The following ARHGAP26 variants were observed in gnomAD, a reference collection of about 807,000 sequenced individuals.
ARHGAP26 encodes the protein rho GTPase-activating protein 26.
A neutral mutation model predicts 104.8 loss-of-function variants in ARHGAP26; 38 were observed. The ratio of observed to expected loss-of-function variants is 0.36; its 90% CI spans 0.28 to 0.48. The LOEUF (loss-of-function observed/expected upper bound fraction) is 0.48. Ranked by LOEUF, ARHGAP26 falls within the 20% of genes least tolerant of loss-of-function variation. ARHGAP26 has a pLI of 0.99. For missense variants in ARHGAP26, 704 were observed against 947.9 expected (o/e 0.74, Z 3.38); for synonymous variants, 341 against 340.0 (o/e 1.00, Z -0.03).
intron 11 of ARHGAP26, among the ~76,000 whole-genome samples, chr5:143,001,919 C>T (rs1259384370): frequency 2.0e-5 from 3 of 152,228 alleles, no homozygotes; most frequent in South Asian, 2.1e-4. Context: ...AACTCAGCTT[C>T]GAGTCATAGA....
At chr5:142,925,218 G>T (rs567938287) in intron 10 of ARHGAP26, among the ~76,000 whole-genome samples, 2 of 152,228 alleles carry the variant, frequency 1.3e-5, no homozygotes, top group East Asian at 3.9e-4. Flanking sequence ...ATGCCCTGTT[G>T]CCCACCTCCC....
In ARHGAP26 at chr5:142,963,163, G is replaced by GATATATATATATATAT. The variant is rs1562163912; in HGVS notation, c.1107+31038_1107+31039insATATATATATATATAT. On this transcript the variant is annotated intron_variant, in intron 11 of 22. Coordinates refer to ENST00000645722, the MANE Select transcript of ARHGAP26 (RefSeq NM_001135608.3). ...TTTTTATGGCTGTGTAGTATTCCAT[G>GATATATATATATATAT]GTATATATGTATATATATATATATA... Among the ~76,000 whole-genome samples the GATATATATATATATAT allele has an allele frequency of 1.6e-3, 180 of 112,176 alleles. 7 individuals carry two copies. Among genetic ancestry groups the GATATATATATATATAT allele is most frequent in the African/African-American group, 6.2e-3 (143 of 23,010 alleles). The allele number at this position is 112,176 out of a possible 152,430, so 73.6% of individuals were successfully genotyped here.
Position 143,227,635 on chromosome 5 carries a change from A to T in ARHGAP26, c.*5189A>T, listed in dbSNP as rs528586428. On this transcript the variant is annotated 3_prime_UTR_variant, in exon 23 of 23. Transcript: ENST00000645722. ...TCCTGCCGCCTACAGTACCTGTCTA[A>T]CTAAAGAGCTTCCCAAAGTGGAGGG... is the stretch of plus-strand genomic sequence containing the variant. The T allele has an allele frequency of 1.7e-5, 4 of 229,564 alleles. No individual in the cohort carries two copies. The highest frequency in any genetic ancestry group is 6.6e-5 in the African/African-American group (3 of 45,290). The allele number at this position is 229,564 out of a possible 1,614,324, so 14.2% of individuals were successfully genotyped here.
intron 14 of ARHGAP26, among the ~76,000 whole-genome samples, chr5:143,050,094 C>T (rs1784789505): frequency 6.6e-6 from 1 of 152,180 alleles, no homozygotes; most frequent in Admixed American, 6.5e-5. Flanking sequence ...CCCTGGGTGG[C>T]TTGGGCTATG....
chr5:142,924,097 C>T (rs1304226974), intron 10 of ARHGAP26, among the ~76,000 whole-genome samples: 4 of 152,002 alleles, frequency 2.6e-5, no homozygotes, highest in Non-Finnish European at 1.5e-5. Flanking sequence ...CTCCTGACCT[C>T]GCGATCCACC....
rs370393590 is a variant in ARHGAP26 at position 143,099,311 on chromosome 5, T to TC, written c.1539-21677_1539-21676insC. 6.9e-3 allele frequency among the ~76,000 whole-genome samples: 1,043 copies of TC among 152,052 alleles called. 18 individuals are homozygous for TC. The East Asian group carries it at 0.078, about 11-fold the overall frequency. On this transcript the variant is annotated intron_variant, in intron 17 of 22. Transcript: ENST00000645722. ...TGACAACATAGCTGCCCTGGGCAGG[T>TC]GGGGGGCACAGGTAGAGGAATATAG... is the stretch of plus-strand genomic sequence containing the variant.
intron 12 of ARHGAP26, among the ~76,000 whole-genome samples, chr5:143,017,296 G>T (rs1779724095): frequency 6.6e-6 from 1 of 152,240 alleles, no homozygotes. Flanking sequence ...TGGAGTATAA[G>T]ACAGGGCCAT....
chr5:143,024,403 T>C (rs980823527), intron 12 of ARHGAP26, among the ~76,000 whole-genome samples: 2 of 152,202 alleles, frequency 1.3e-5, no homozygotes, highest in Admixed American at 6.5e-5. Context: ...CTCAGTGATG[T>C]GGGCTCTGTA....
intron 11 of ARHGAP26, among the ~76,000 whole-genome samples, chr5:142,984,455 A>G (rs1227636104): frequency 6.6e-6 from 1 of 152,252 alleles, no homozygotes; most frequent in Non-Finnish European, 1.5e-5. Flanking sequence ...TGATGAAAGA[A>G]GAAATAATAT....
At chr5:142,826,897 C>G (rs1196184549) in intron 1 of ARHGAP26, among the ~76,000 whole-genome samples, 2 of 152,178 alleles carry the variant, frequency 1.3e-5, no homozygotes, top group Non-Finnish European at 2.9e-5. Flanking sequence ...GAAGCTTGAG[C>G]AAAAGCCAAC....
intron 14 of ARHGAP26, among the ~76,000 whole-genome samples, chr5:143,051,515 A>T (rs1785024984): frequency 6.6e-6 from 1 of 152,242 alleles, no homozygotes; most frequent in East Asian, 1.9e-4. Context: ...TCTGTGGCAT[A>T]TTCAGATGCC....
intron 1 of ARHGAP26, among the ~76,000 whole-genome samples, chr5:142,845,976 C>G (rs1771860284): frequency 1.3e-5 from 2 of 152,116 alleles, no homozygotes; most frequent in Non-Finnish European, 2.9e-5. Context: ...TTTTTTTCCC[C>G]TGTGAGACCA....
At chr5:142,927,330 C>T (rs201081628) in intron 10 of ARHGAP26, among the ~76,000 whole-genome samples, 6 of 134,562 alleles carry the variant, frequency 4.5e-5, no homozygotes, top group South Asian at 2.3e-4. Context: ...TATCTCTTTT[C>T]AAAAAAAAAA....
chr5:143,107,441 C>A (rs1312142659), intron 17 of ARHGAP26, among the ~76,000 whole-genome samples: 1 of 152,116 alleles, frequency 6.6e-6, no homozygotes, highest in East Asian at 1.9e-4. Flanking sequence ...CCTTGAAGTG[C>A]CACTGTAGCC....
intron 11 of ARHGAP26, among the ~76,000 whole-genome samples, chr5:142,977,304 AT>A (rs1773241563): frequency 6.6e-6 from 1 of 152,112 alleles, no homozygotes; most frequent in Non-Finnish European, 1.5e-5. Flanking sequence ...CTTCCTTGAG[AT>A]TATGGTTCCT....
intron 11 of ARHGAP26, among the ~76,000 whole-genome samples, chr5:143,002,030 T>C (rs1777255618): frequency 6.6e-6 from 1 of 152,158 alleles, no homozygotes; most frequent in Non-Finnish European, 1.5e-5. Flanking sequence ...ACCTTCTGCC[T>C]CTCCAAGGGG....
intron 17 of ARHGAP26, among the ~76,000 whole-genome samples, chr5:143,094,787 T>TG (rs1289128056): frequency 6.6e-6 from 1 of 151,696 alleles, no homozygotes; most frequent in Middle Eastern, 3.2e-3. Context: ...GTGAGTGGTT[T>TG]GGGGGGAAAA....
At chr5:143,085,448 T>C (rs1790455495) in intron 17 of ARHGAP26, among the ~76,000 whole-genome samples, 3 of 151,990 alleles carry the variant, frequency 2.0e-5, no homozygotes, top group Non-Finnish European at 4.4e-5. Flanking sequence ...TTCCAGTTAA[T>C]GGCATGTGTG....
intron 6 of ARHGAP26, among the ~76,000 whole-genome samples, chr5:142,900,520 A>G (rs1286151727): frequency 6.8e-6 from 1 of 147,044 alleles, no homozygotes; most frequent in Non-Finnish European, 1.5e-5. Flanking sequence ...CTTTGATTAA[A>G]CTGGGCTGGC....
Sources: gnomAD v4.1 joint callset for allele counts (sites outside exome capture counted in the v4.1 genomes callset) on GRCh38, gnomAD v4.1.1 for gene constraint, MANE v1.5 for transcripts, NCBI Gene and HGNC (gene_info 2026-07-23, HGNC 2026-07-21) for gene names.